The following CTNNA2 variants were observed in gnomAD, a reference collection of about 807,000 sequenced individuals.
CTNNA2 encodes the protein catenin alpha 2, also known as catenin alpha-2.
In CTNNA2, 42 loss-of-function variants were observed where a neutral mutation model predicts 101.0. The ratio of observed to expected loss-of-function variants is 0.42; its 90% CI spans 0.32 to 0.54. CTNNA2 has a LOEUF of 0.54. CTNNA2 is among the 20% of genes least tolerant of loss of function. The probability of loss-of-function intolerance (pLI) is 0.14; values close to 1 mark genes in which losing one functional copy is unlikely to be tolerated. For missense variants in CTNNA2, 871 were observed against 1,223.1 expected (o/e 0.71, Z 4.29); for synonymous variants, 450 against 456.4 (o/e 0.99, Z 0.18).
intron 9 of CTNNA2, among the ~76,000 whole-genome samples, chr2:80,537,812 C>T (rs950072002): frequency 1.6e-4 from 25 of 152,200 alleles, no homozygotes; most frequent in African/African-American, 5.5e-4. Flanking sequence ...AGGCTGTTCT[C>T]GAACTCCCGA....
intron 4 of CTNNA2, among the ~76,000 whole-genome samples, chr2:79,416,622 T>C (rs957012293): frequency 6.6e-6 from 1 of 152,098 alleles, no homozygotes; most frequent in African/African-American, 2.4e-5. Flanking sequence ...TTCTTTAAGC[T>C]TAATATAAAA....
intron 7 of CTNNA2, among the ~76,000 whole-genome samples, chr2:80,157,375 T>A (rs1389642641): frequency 6.6e-6 from 1 of 152,088 alleles, no homozygotes; most frequent in Admixed American, 6.6e-5. Context: ...ATCTCATGGG[T>A]CCTACGGGAC....
chr2:80,495,088 G>T (rs968204098), intron 9 of CTNNA2, among the ~76,000 whole-genome samples: 3 of 152,180 alleles, frequency 2.0e-5, no homozygotes, highest in Non-Finnish European at 2.9e-5. Flanking sequence ...ACCTGTTGGG[G>T]ATACTGTAGA....
Position 79,527,687 on chromosome 2 carries a change from G to A in CTNNA2, c.-6+14480G>A, listed in dbSNP as rs1672498565. Among the ~76,000 whole-genome samples the A allele has an allele frequency of 2.0e-5, 3 of 151,770 alleles. 1 individual carries two copies. In the South Asian group the frequency reaches 6.2e-4, roughly 31 times the overall value. ...GGAAATTGGAATCCTTATACATGAA[G>A]GTAGAAATGTCATTGTAAATTTAAG... On this transcript the variant is annotated intron_variant, in intron 1 of 18. Transcript: ENST00000402739.
At chr2:80,088,956 C>T (rs1410229843) in intron 7 of CTNNA2, among the ~76,000 whole-genome samples, 1 of 151,914 alleles carries the variant, frequency 6.6e-6, no homozygotes, top group African/African-American at 2.4e-5. Flanking sequence ...TAATAGACAA[C>T]AGCAAATTGG....
At chr2:80,464,111 A>G (rs1405337302) in intron 9 of CTNNA2, among the ~76,000 whole-genome samples, 1 of 152,118 alleles carries the variant, frequency 6.6e-6, no homozygotes, top group African/African-American at 2.4e-5. Flanking sequence ...TCTCTCTGCC[A>G]GCCTCCAAGC....
rs529011753 is a variant in CTNNA2 at position 80,068,647 on chromosome 2, G to T, written c.1056+158850G>T. 8.5e-5 allele frequency among the ~76,000 whole-genome samples: 13 copies of T among 152,214 alleles called. No homozygotes were observed. In the East Asian group the frequency reaches 1.4e-3, roughly 16 times the overall value. ...TTTTTTACTTGATACTGAGTTTTTT[G>T]ACTGTTCATTTTTAACTTTTCTCTT... On this transcript the variant is annotated intron_variant, in intron 7 of 18. Transcript: ENST00000402739.
At chr2:80,225,057 T>C (rs1708799197) in intron 7 of CTNNA2, among the ~76,000 whole-genome samples, 1 of 152,076 alleles carries the variant, frequency 6.6e-6, no homozygotes, top group African/African-American at 2.4e-5. Flanking sequence ...TCAGTATCTT[T>C]CCTTAAGGGG....
intron 4 of CTNNA2, among the ~76,000 whole-genome samples, chr2:79,869,349 C>T (rs918410570): frequency 2.6e-5 from 4 of 152,146 alleles, no homozygotes; most frequent in Non-Finnish European, 4.4e-5. Context: ...CCTTTAGTCC[C>T]GGTGCTAGAG....
chr2:79,859,824 G>A (rs886329564), intron 4 of CTNNA2, among the ~76,000 whole-genome samples: 1 of 152,036 alleles, frequency 6.6e-6, no homozygotes, highest in African/African-American at 2.4e-5. Context: ...ATCTTGGTTT[G>A]GTATCTACTT....
At chr2:80,109,564 A>C (rs1701089975) in intron 7 of CTNNA2, among the ~76,000 whole-genome samples, 1 of 152,156 alleles carries the variant, frequency 6.6e-6, no homozygotes, top group Admixed American at 6.5e-5. Context: ...CTACATTGTC[A>C]CTGGGGAGTA....
chr2:79,899,163 GAT>G (rs1250735569), intron 6 of CTNNA2, among the ~76,000 whole-genome samples: 1 of 151,978 alleles, frequency 6.6e-6, no homozygotes, highest in Non-Finnish European at 1.5e-5. Flanking sequence ...GGAGACTAGA[GAT>G]AACATGACTG....
At chr2:79,714,163 A>G (rs1264077271) in intron 2 of CTNNA2, among the ~76,000 whole-genome samples, 1 of 152,194 alleles carries the variant, frequency 6.6e-6, no homozygotes, top group Non-Finnish European at 1.5e-5. Flanking sequence ...ACACTGGACT[A>G]GAGCTCCAGA....
intron 7 of CTNNA2, among the ~76,000 whole-genome samples, chr2:79,932,029 T>G (rs545306704): frequency 6.6e-6 from 1 of 152,316 alleles, no homozygotes; most frequent in South Asian, 2.1e-4. Context: ...CTCTCACACC[T>G]TCAGATTCTT....
At chr2:80,357,154 A>G (rs1050391776) in intron 7 of CTNNA2, among the ~76,000 whole-genome samples, 15 of 151,960 alleles carry the variant, frequency 9.9e-5, no homozygotes, top group Non-Finnish European at 1.3e-4. Context: ...TAATGAGTCC[A>G]TGGTACCTGT....
intron 4 of CTNNA2, among the ~76,000 whole-genome samples, chr2:79,393,797 C>T (rs1678200247): frequency 6.6e-6 from 1 of 152,026 alleles, no homozygotes; most frequent in Non-Finnish European, 1.5e-5. Context: ...AGTTTTACAT[C>T]AGAAATAGGT....
chr2:80,057,756 A>G (rs762062195), intron 7 of CTNNA2, among the ~76,000 whole-genome samples: 15 of 151,836 alleles, frequency 9.9e-5, no homozygotes, highest in Non-Finnish European at 1.6e-4. Flanking sequence ...CTGGACTTGA[A>G]CTCCTGAGAA....
intron 4 of CTNNA2, among the ~76,000 whole-genome samples, chr2:79,437,035 A>G (rs1256245693): frequency 2.6e-5 from 4 of 151,992 alleles, no homozygotes; most frequent in African/African-American, 9.7e-5. Context: ...GGAGTTTGAG[A>G]GTAGCCTGCC....
chr2:79,786,958 A>G (rs73941310), intron 3 of CTNNA2, among the ~76,000 whole-genome samples: 1 of 152,022 alleles, frequency 6.6e-6, no homozygotes, highest in Admixed American at 6.6e-5. Context: ...ATCAGATCCA[A>G]TCCCTGCCTT....
Sources: allele counts gnomAD v4.1 joint callset (sites outside exome capture counted in the v4.1 genomes callset), GRCh38; gene constraint gnomAD v4.1.1; transcripts MANE v1.5; gene names NCBI Gene and HGNC (gene_info 2026-07-23, HGNC 2026-07-21).